Variants in BRAF observed in about 807,000 individuals in gnomAD.
The protein encoded by BRAF is serine/threonine-protein kinase B-raf.
A neutral mutation model predicts 104.6 loss-of-function variants in BRAF; 16 were observed. The observed-to-expected ratio is 0.15, with a 90% CI of 0.10 to 0.23. The LOEUF (loss-of-function observed/expected upper bound fraction) is 0.23. Ranked by LOEUF, BRAF falls within the 10% of genes least tolerant of loss-of-function variation. The probability of loss-of-function intolerance (pLI) is 1.00; values close to 1 mark genes in which losing one functional copy is unlikely to be tolerated. For missense variants in BRAF, 541 were observed against 937.3 expected (o/e 0.58, Z 5.52); for synonymous variants, 310 against 341.6 (o/e 0.91, Z 1.02).
At chr7:140,726,634 A>G (rs1795613505) in intron 19 of BRAF, 1 of 912,560 alleles carries the variant, frequency 1.1e-6, no homozygotes, top group East Asian at 2.6e-5. Flanking sequence ...CAAGTCTAGC[A>G]ACAGCATTGC....
In BRAF at chr7:140,724,850, A is replaced by C; in HGVS notation, c.*1644T>G. The C allele has an allele frequency of 9.6e-7, 1 of 1,039,046 alleles. No homozygotes were observed. Among genetic ancestry groups the C allele is most frequent in the Non-Finnish European group, 1.2e-6 (1 of 862,638 alleles). The allele number at this position is 1,039,046 out of a possible 1,614,324, so 64.4% of individuals were successfully genotyped here. On this transcript the variant is annotated 3_prime_UTR_variant, in exon 20 of 20. Transcript: ENST00000644969. ...TTCCTGATAAGGGAGGTTTTCCATT[A>C]ATTTGCCATTAATACATCCGCTTTC...
At chr7:140,795,194 A>G (rs1394845880) in intron 7 of BRAF, among the ~76,000 whole-genome samples, 2 of 152,254 alleles carry the variant, frequency 1.3e-5, no homozygotes, top group Non-Finnish European at 2.9e-5. Context: ...TTACATACCT[A>G]TTTCGGTATG....
intron 3 of BRAF, among the ~76,000 whole-genome samples, chr7:140,813,714 C>T (rs538771042): frequency 1.3e-5 from 2 of 152,072 alleles, no homozygotes; most frequent in South Asian, 4.1e-4. Context: ...ACAAAATTTC[C>T]AGAATGGCCT....
intron 10 of BRAF, among the ~76,000 whole-genome samples, chr7:140,784,937 G>A (rs1283273454): frequency 6.6e-6 from 1 of 152,090 alleles, no homozygotes; most frequent in Non-Finnish European, 1.5e-5. Context: ...GTGAGCCACC[G>A]CGCCTGGCCC....
At chr7:140,774,532 T>G (rs894489881) in intron 14 of BRAF, among the ~76,000 whole-genome samples, 5 of 152,166 alleles carry the variant, frequency 3.3e-5, no homozygotes, top group South Asian at 4.1e-4. Context: ...AGCCTGTTTG[T>G]TTTGGGACAG....
chr7:140,883,869 A>G (rs1248848490), intron 1 of BRAF, among the ~76,000 whole-genome samples: 1 of 152,232 alleles, frequency 6.6e-6, no homozygotes, highest in African/African-American at 2.4e-5. Context: ...CAGTAAGATA[A>G]TATGTATTCC....
At chr7:140,871,049 A>T (rs551548160) in intron 1 of BRAF, among the ~76,000 whole-genome samples, 4 of 151,872 alleles carry the variant, frequency 2.6e-5, no homozygotes, top group African/African-American at 9.7e-5. Flanking sequence ...AACACGGTGA[A>T]GCCCTGTCTC....
At chr7:140,917,809 G>GA (rs1353773452) in intron 1 of BRAF, among the ~76,000 whole-genome samples, 2 of 151,672 alleles carry the variant, frequency 1.3e-5, no homozygotes, top group African/African-American at 2.4e-5. Context: ...TTAAGTGGTA[G>GA]AAAAAAAATC....
intron 12 of BRAF, among the ~76,000 whole-genome samples, chr7:140,778,540 T>C (rs1399544331): frequency 1.3e-5 from 2 of 152,082 alleles, no homozygotes; most frequent in Non-Finnish European, 1.5e-5. Flanking sequence ...TATGGATTAC[T>C]TATGATACTT....
At chr7:140,768,481 A>T (rs560523990) in intron 14 of BRAF, among the ~76,000 whole-genome samples, 44 of 152,210 alleles carry the variant, frequency 2.9e-4, no homozygotes, top group Non-Finnish European at 5.0e-4. Context: ...CCCTCATGAA[A>T]GCAGGAGTCA....
chr7:140,792,511 C>T (rs1802089355), intron 8 of BRAF, among the ~76,000 whole-genome samples: 1 of 152,134 alleles, frequency 6.6e-6, no homozygotes, highest in Admixed American at 6.5e-5. Flanking sequence ...ACTTCTATGC[C>T]TTTCATTTCC....
chr7:140,856,216 G>C (rs1207815804), intron 1 of BRAF, among the ~76,000 whole-genome samples: 1 of 151,616 alleles, frequency 6.6e-6, no homozygotes, highest in African/African-American at 2.4e-5. Context: ...ACTAGCCTAA[G>C]AGATTCCAAG....
chr7:140,846,809 T>C (rs1808598534), intron 2 of BRAF, among the ~76,000 whole-genome samples: 1 of 152,126 alleles, frequency 6.6e-6, no homozygotes, highest in South Asian at 2.1e-4. Flanking sequence ...CCTTTAAATA[T>C]CAGTATGTAC....
At chr7:140,840,467 G>T (rs763548042) in intron 2 of BRAF, among the ~76,000 whole-genome samples, 4 of 151,990 alleles carry the variant, frequency 2.6e-5, no homozygotes, top group Non-Finnish European at 4.4e-5. Flanking sequence ...GAAAATATTT[G>T]CAAGTCATGG....
Position 140,799,688 on chromosome 7 carries a change from ACTCT to A in BRAF, c.980+670_980+673del, listed in dbSNP as rs1287758279. 1.7e-5 allele frequency: 4 copies of A among 232,656 alleles called. No individual in the cohort carries two copies. In the East Asian group the frequency reaches 2.5e-4, roughly 14 times the overall value. 14.4% of individuals were successfully genotyped at this position (232,656 alleles called of 1,614,324 possible). A position where few individuals can be genotyped will look rare whatever the true frequency, so the allele number is the denominator to read the frequency against. ...CCTTCTTCATTAAGTTTTCCTGAGC[ACTCT>A]CTTTTTCCTCACTATTCTTCCTTCT... On this transcript the variant is annotated intron_variant, in intron 7 of 19. Transcript: ENST00000644969.
chr7:140,866,650 G>A (rs1196628287), intron 1 of BRAF, among the ~76,000 whole-genome samples: 1 of 152,176 alleles, frequency 6.6e-6, no homozygotes, highest in African/African-American at 2.4e-5. Context: ...GATCAGAGAA[G>A]CACTAGCCAC....
intron 19 of BRAF, among the ~76,000 whole-genome samples, chr7:140,727,776 A>G (rs1183300663): frequency 2.0e-5 from 3 of 151,986 alleles, no homozygotes; most frequent in African/African-American, 4.8e-5. Flanking sequence ...ACATGAAGCC[A>G]CGCCCGGCTA....
Position 140,764,007 on chromosome 7 carries a change from T to C in BRAF, c.1815-9774A>G, listed in dbSNP as rs1423385276. ...GAGACACAACCAAAAAAGAGAATTT[T>C]AGACCGATATCCTTGATGAACATTG... On this transcript the variant is annotated intron_variant, in intron 14 of 19. Coordinates refer to ENST00000644969, the MANE Select transcript of BRAF (RefSeq NM_001374258.1). Among the ~76,000 whole-genome samples the C allele has an allele frequency of 6.6e-5, 10 of 152,314 alleles. No homozygotes were observed. The South Asian group carries it at 1.9e-3, about 28-fold the overall frequency.
chr7:140,874,480 G>A (rs930531085), intron 1 of BRAF, among the ~76,000 whole-genome samples: 4 of 148,450 alleles, frequency 2.7e-5, no homozygotes, highest in Admixed American at 2.0e-4. Flanking sequence ...GATTACAGGC[G>A]TGAGCCACCG....
Sources: gnomAD v4.1 joint callset for allele counts (sites outside exome capture counted in the v4.1 genomes callset) on GRCh38, gnomAD v4.1.1 for gene constraint, MANE v1.5 for transcripts, NCBI Gene and HGNC (gene_info 2026-07-23, HGNC 2026-07-21) for gene names.